PRKD2: variants seen among roughly 807,000 people sequenced by gnomAD.
PRKD2 encodes the protein serine/threonine-protein kinase D2.
Under a neutral mutation model 86.0 loss-of-function variants are expected in PRKD2, and 22 were observed. The observed-to-expected ratio is 0.26, with a 90% CI of 0.18 to 0.37. PRKD2 has a LOEUF of 0.37. PRKD2 is among the 10% of genes least tolerant of loss of function. The probability of loss-of-function intolerance (pLI) is 1.00; values close to 1 mark genes in which losing one functional copy is unlikely to be tolerated. For synonymous variants in PRKD2, 509 were observed against 510.9 expected (o/e 1.00, Z 0.05); for missense variants, 818 against 1,199.2 (o/e 0.68, Z 4.70).
At chr19:46,694,487 C>T (rs1384074806) in intron 9 of PRKD2, among the ~76,000 whole-genome samples, 2 of 151,890 alleles carry the variant, frequency 1.3e-5, no homozygotes, top group African/African-American at 2.4e-5. Context: ...CCCAGCTAAT[C>T]GGGAGGCTGA....
At chr19:46,698,065 G>T (rs779703112) in intron 7 of PRKD2, among the ~76,000 whole-genome samples, 1 of 152,064 alleles carries the variant, frequency 6.6e-6, no homozygotes, top group Non-Finnish European at 1.5e-5. Context: ...GCAGTGGTGC[G>T]ATCTCGGCTC....
intron 17 of PRKD2, 145 bp downstream of exon 17, chr19:46,674,888 T>A: frequency 8.6e-7 from 1 of 1,161,568 alleles, no homozygotes; most frequent in Non-Finnish European, 1.2e-6. Flanking sequence ...CCACCCCCTC[T>A]TCCTGCACCC....
At chr19:46,707,332 G>A (rs915422014) in intron 3 of PRKD2, among the ~76,000 whole-genome samples, 5 of 152,110 alleles carry the variant, frequency 3.3e-5, no homozygotes, top group Admixed American at 6.6e-5. Flanking sequence ...GGGGCCCAGC[G>A]CAGTGGCTCA....
intron 7 of PRKD2, among the ~76,000 whole-genome samples, chr19:46,700,051 C>T (rs1338422620): frequency 6.6e-6 from 1 of 151,476 alleles, no homozygotes; most frequent in South Asian, 2.1e-4. Flanking sequence ...GCCTGACCAA[C>T]ATGGCAAAAC....
chr19:46,699,911 C>CCTAT (rs1272011916), intron 7 of PRKD2, among the ~76,000 whole-genome samples: 1 of 137,546 alleles, frequency 7.3e-6, no homozygotes, highest in Non-Finnish European at 1.5e-5. Flanking sequence ...AGCAAGACCC[C>CCTAT]CTATCTTAAA....
In PRKD2 at chr19:46,693,349, C is replaced by T. The variant is rs1476938647; in HGVS notation, c.1576+526G>A. Among the ~76,000 whole-genome samples, 1 of 152,230 alleles carries T rather than the reference C, an allele frequency of 6.6e-6. No individual in the cohort carries two copies. Among genetic ancestry groups the T allele is most frequent in the Non-Finnish European group, 1.5e-5 (1 of 68,036 alleles). ...ACTCAGTAAGTGCATGAGGACTTAT[C>T]AGCACCTGGGACAAGGCTCATGGAG... is the stretch of plus-strand genomic sequence containing the variant. On this transcript the variant is annotated intron_variant, in intron 10 of 17. Transcript: ENST00000291281. The surrounding 1 kb of genome is among the most constrained non-coding windows in gnomAD (Gnocchi z 4.5).
At chr19:46,704,096 C>A in intron 5 of PRKD2, 73 bp downstream of exon 5, 2 of 1,589,744 alleles carry the variant, frequency 1.3e-6, no homozygotes, top group Non-Finnish European at 1.7e-6. Flanking sequence ...ATCCTTGTGT[C>A]CTGCCACAAG....
intron 2 of PRKD2, 49 bp from the exon 3 acceptor site, chr19:46,711,087 C>A: frequency 6.5e-7 from 1 of 1,532,478 alleles, no homozygotes; most frequent in Non-Finnish European, 8.8e-7. Context: ...TAGGCCAAAG[C>A]TTTTCCAGAC....
chr19:46,713,796 C>T lies in PRKD2; in HGVS notation c.379+67G>A, dbSNP rs2053842518. 3.9e-6 allele frequency: 5 copies of T among 1,274,710 alleles called. No homozygotes were observed. The Admixed American group carries it at 1.2e-4, about 29-fold the overall frequency. 79.0% of individuals were successfully genotyped at this position (1,274,710 alleles called of 1,614,324 possible). On this transcript the variant is annotated intron_variant, in intron 2 of 17. Coordinates refer to ENST00000291281, the MANE Select transcript of PRKD2 (RefSeq NM_016457.5). ...TCTCCTGACTTCTAACTCCCCCTAC[C>T]CTCTCCTCCCCCAGATGCCCCGCCC...
At position 46,716,152 on chromosome 19, in the gene PRKD2, G is replaced by GGCCAGCTGCTTCACATGA; in HGVS notation, c.201_218dup (p.His68_Ala73dup). 1.2e-6 allele frequency: 2 copies of GGCCAGCTGCTTCACATGA among 1,611,506 alleles called. No individual in the cohort carries two copies. The highest frequency in any genetic ancestry group is 1.7e-6 in the Non-Finnish European group (2 of 1,179,422). The stretch of plus-strand genomic sequence containing the variant: ...TCACCTTCTGGTCCACGATGGAACA[G>GGCCAGCTGCTTCACATGA]GCCAGCTGCTTCACATGAGCCAGCT... On this transcript the variant is annotated inframe_insertion, in exon 1 of 18. Transcript: ENST00000291281. The surrounding 1 kb of genome is among the most constrained non-coding windows in gnomAD (Gnocchi z 7.9).
Position 46,716,717 on chromosome 19 carries a change from T to G in PRKD2, c.-347A>C. On this transcript the variant is annotated 5_prime_UTR_variant, in exon 1 of 18. Coordinates refer to ENST00000291281, the MANE Select transcript of PRKD2 (RefSeq NM_016457.5). This position sits in a 1 kb window ranked among gnomAD's most constrained non-coding sequence, Gnocchi z 7.9. ...GGAGAGCCCGCGATTCAAAGGCCCC[T>G]TCCCTAGAGGAGGGATTGAGAAGGG... 1 of 178,496 alleles carries G rather than the reference T, an allele frequency of 5.6e-6. No individual in the cohort carries two copies. Among genetic ancestry groups the G allele is most frequent in the East Asian group, 1.4e-4 (1 of 7,324 alleles). 11.1% of individuals were successfully genotyped at this position (178,496 alleles called of 1,614,324 possible). A position where few individuals can be genotyped will look rare whatever the true frequency, so the allele number is the denominator to read the frequency against.
At chr19:46,687,070 G>A (rs1020691175) in intron 14 of PRKD2, among the ~76,000 whole-genome samples, 3 of 151,862 alleles carry the variant, frequency 2.0e-5, no homozygotes, top group African/African-American at 7.3e-5. Context: ...AATCTAATGT[G>A]CACCTCCACC....
intron 12 of PRKD2, 40 bp from the exon 13 acceptor site, chr19:46,690,746 G>T: frequency 6.4e-7 from 1 of 1,560,706 alleles, no homozygotes; most frequent in South Asian, 1.1e-5. Context: ...GAGAGAGCAA[G>T]ACCACCCAGT....
intron 5 of PRKD2, among the ~76,000 whole-genome samples, chr19:46,702,786 C>T (rs1013578909): frequency 6.6e-6 from 1 of 152,032 alleles, no homozygotes; most frequent in African/African-American, 2.4e-5. Context: ...CTCCTGGGCT[C>T]AAGCAATCCT....
chr19:46,710,913 A>C lies in PRKD2; in HGVS notation c.505T>G (p.Cys169Gly). 6.5e-7 allele frequency: 1 copy of C among 1,532,328 alleles called. No individual in the cohort carries two copies. The highest frequency in any genetic ancestry group is 8.8e-7 in the Non-Finnish European group (1 of 1,137,130). 94.9% of individuals were successfully genotyped at this position (1,532,328 alleles called of 1,614,324 possible). A position where few individuals can be genotyped will look rare whatever the true frequency, so the allele number is the denominator to read the frequency against. The stretch of plus-strand genomic sequence containing the variant: ...CCAACCCTTTAGCTCTCACCATCGC[A>C]CTTGAGGCCCTGGCGCACTAGGCCG... Reference protein sequence around the residue: ...LFGLVRQGLKCDGCGLNYHKR... With the variant: ...LFGLVRQGLKGDGCGLNYHKR... Residue 169 changes from cysteine to glycine, a missense_variant, in exon 3 of 18, where the codon TGC (cysteine) becomes GGC (glycine). Cys to Gly is a radical substitution (Grantham distance 159). Around this residue, in one of 5 missense-constraint regions of PRKD2, gnomAD observed 403 missense variants for 518.6 expected, o/e 0.78. Coordinates refer to ENST00000291281, the MANE Select transcript of PRKD2 (RefSeq NM_016457.5).
intron 3 of PRKD2, among the ~76,000 whole-genome samples, chr19:46,707,063 T>C (rs2053723788): frequency 6.6e-6 from 1 of 151,984 alleles, no homozygotes; most frequent in Non-Finnish European, 1.5e-5. Context: ...CCAGCTAATT[T>C]TTCTAGTTTT....
chr19:46,694,131 T>C lies in PRKD2; in HGVS notation c.1320A>G (p.Glu440=), dbSNP rs1439444299. Residue 440 remains glutamate (E), a splice_region_variant and synonymous_variant, in exon 10 of 18, where the codon GAA becomes GAG. Coordinates refer to ENST00000291281, the MANE Select transcript of PRKD2 (RefSeq NM_016457.5). ...CCGTGAGGATTTCTGACAGCGGAAT[T>C]TCCTGCAGGACGTGGAACCAGCACA... is the stretch of plus-strand genomic sequence containing the variant. The part of the protein sequence containing the change: ...QNNTTNRYYK[E]IPLSEILTVE... 6.2e-7 allele frequency: 1 copy of C among 1,613,340 alleles called. No individual in the cohort carries two copies.
chr19:46,694,613 A>G (rs2053530982), intron 9 of PRKD2, among the ~76,000 whole-genome samples: 1 of 151,930 alleles, frequency 6.6e-6, no homozygotes, highest in Admixed American at 6.6e-5. Flanking sequence ...TAATAATAAT[A>G]CTAATTACTG....
intron 10 of PRKD2, 39 bp from the exon 11 acceptor site, chr19:46,692,024 G>A: frequency 6.3e-7 from 1 of 1,592,138 alleles, no homozygotes; most frequent in East Asian, 2.2e-5. Context: ...GGGACTCCAG[G>A]CTCAGGATTA....
Sources: gnomAD v4.1 joint callset for allele counts (sites outside exome capture counted in the v4.1 genomes callset) on GRCh38, gnomAD v4.1.1 for gene constraint, gnomAD v4.1.1 regional missense constraint, Gnocchi (gnomAD v3.1) non-coding constraint, MANE v1.5 for transcripts, NCBI Gene and HGNC (gene_info 2026-07-23, HGNC 2026-07-21) for gene names.